The following RNF150 variants were observed in gnomAD, a reference collection of about 807,000 sequenced individuals.
The protein encoded by RNF150 is ring finger protein 150.
Under a neutral mutation model 39.3 loss-of-function variants are expected in RNF150, and 24 were observed. That is an observed-to-expected ratio of 0.61 (90% CI 0.44 to 0.86). The LOEUF (loss-of-function observed/expected upper bound fraction) is 0.86. Among genes scored for constraint, RNF150 ranks in the 40% least tolerant of loss-of-function variants. RNF150 has a pLI of 0.00. For synonymous variants in RNF150, 255 were observed against 227.3 expected (o/e 1.12, Z -1.10); for missense variants, 502 against 587.8 (o/e 0.85, Z 1.51).
At chr4:141,030,970 C>T (rs558560189) in intron 1 of RNF150, among the ~76,000 whole-genome samples, 144 of 151,824 alleles carry the variant, frequency 9.5e-4, no homozygotes, top group African/African-American at 2.7e-3. Flanking sequence ...GCTTTTTGAG[C>T]GCAATTAAAA....
At chr4:141,000,065 GAAGAAGAAGAAGAAGAAGAAGGAGA>G (rs1734594378) in intron 1 of RNF150, among the ~76,000 whole-genome samples, 2 of 100,580 alleles carry the variant, frequency 2.0e-5, no homozygotes, top group African/African-American at 7.6e-5. Context: ...AGAAGAAGAA[GAAGAAGAAGAAGAAGAAGAAGGAGA>G]AGAAGAAGAA....
At chr4:140,962,359 G>C (rs1320743916) in intron 2 of RNF150, among the ~76,000 whole-genome samples, 1 of 151,570 alleles carries the variant, frequency 6.6e-6, no homozygotes, top group African/African-American at 2.4e-5. Context: ...ATATGGCAGT[G>C]CATATGTGCA....
At chr4:141,139,772 G>C (rs918174338) in intron 1 of RNF150, among the ~76,000 whole-genome samples, 2 of 152,152 alleles carry the variant, frequency 1.3e-5, no homozygotes, top group Non-Finnish European at 2.9e-5. Context: ...AGTTAAGAGT[G>C]GAGTAACTTG....
chr4:140,958,406 C>T (rs79862845), intron 2 of RNF150, among the ~76,000 whole-genome samples: 1,953 of 152,184 alleles, frequency 0.013, 54 homozygotes, highest in African/African-American at 0.044. Context: ...AGACTGGCAA[C>T]CCGCCCCTGG....
chr4:141,052,896 C>T (rs1736830081), intron 1 of RNF150, among the ~76,000 whole-genome samples: 1 of 151,984 alleles, frequency 6.6e-6, no homozygotes, highest in African/African-American at 2.4e-5. Flanking sequence ...AAAATATTTC[C>T]ACAATCCTGT....
chr4:140,997,277 T>C (rs1287960156), intron 1 of RNF150, among the ~76,000 whole-genome samples: 2 of 152,144 alleles, frequency 1.3e-5, no homozygotes, highest in Non-Finnish European at 2.9e-5. Context: ...GGCTAGGAAA[T>C]TGTGGTATAC....
chr4:141,181,851 C>A (rs1013012121), intron 1 of RNF150, among the ~76,000 whole-genome samples: 16 of 152,044 alleles, frequency 1.1e-4, no homozygotes, highest in Non-Finnish European at 2.2e-4. Flanking sequence ...ACAGACAGAC[C>A]CAGCATTTTT....
chr4:141,098,836 G>C (rs1738899805), intron 1 of RNF150, among the ~76,000 whole-genome samples: 2 of 152,176 alleles, frequency 1.3e-5, no homozygotes, highest in South Asian at 4.1e-4. Context: ...GAAAGTCAAG[G>C]ATAGAGACAT....
intron 6 of RNF150, among the ~76,000 whole-genome samples, chr4:140,894,470 T>C (rs1171941060): frequency 3.3e-5 from 5 of 152,230 alleles, no homozygotes; most frequent in Non-Finnish European, 7.3e-5. Flanking sequence ...TAAAGGATCA[T>C]GCTGCTGCTT....
intron 1 of RNF150, among the ~76,000 whole-genome samples, chr4:141,149,802 A>G (rs1163204168): frequency 6.6e-6 from 1 of 152,208 alleles, no homozygotes; most frequent in Non-Finnish European, 1.5e-5. Context: ...TTCTTTAAGG[A>G]ATCTCCACAC....
At chr4:141,201,350 T>C (rs1182754570) in intron 1 of RNF150, among the ~76,000 whole-genome samples, 1 of 152,216 alleles carries the variant, frequency 6.6e-6, no homozygotes, top group Non-Finnish European at 1.5e-5. Context: ...TTATAAGTTA[T>C]ATGGTTTACA....
At chr4:141,142,195 A>G (rs1221840339) in intron 1 of RNF150, among the ~76,000 whole-genome samples, 1 of 152,164 alleles carries the variant, frequency 6.6e-6, no homozygotes, top group African/African-American at 2.4e-5. Context: ...CTTTAGAATC[A>G]AACTCCCCAT....
chr4:140,932,572 T>C lies in RNF150; in HGVS notation c.891-6499A>G, dbSNP rs763778265. Among the ~76,000 whole-genome samples the C allele has an allele frequency of 3.6e-4, 55 of 152,308 alleles. No homozygotes were observed. The South Asian group carries it at 3.7e-3, about 10-fold the overall frequency. On this transcript the variant is annotated intron_variant, in intron 4 of 6. Coordinates refer to ENST00000515673, the MANE Select transcript of RNF150 (RefSeq NM_020724.2). ...AAGCTGTCACAGGTAAGGGGGGTAG[T>C]TGGAGGTATTCAAACCTTTATTCTT... is the stretch of plus-strand genomic sequence containing the variant.
intron 1 of RNF150, among the ~76,000 whole-genome samples, chr4:141,173,996 A>C (rs17006949): frequency 0.012 from 1,874 of 152,258 alleles, 40 homozygotes; most frequent in African/African-American, 0.042. Context: ...GTATGTGAGA[A>C]TGTTTGTACA....
chr4:140,981,746 T>C (rs1733866813), intron 1 of RNF150, among the ~76,000 whole-genome samples: 1 of 152,134 alleles, frequency 6.6e-6, no homozygotes, highest in African/African-American at 2.4e-5. Context: ...TTATAGTGCA[T>C]TGTATTTGAT....
intron 2 of RNF150, among the ~76,000 whole-genome samples, chr4:140,965,424 G>A (rs1028401490): frequency 6.6e-6 from 1 of 152,098 alleles, no homozygotes; most frequent in African/African-American, 2.4e-5. Context: ...CACCACCTTG[G>A]AAAGATATCT....
At position 140,899,760 on chromosome 4, in the gene RNF150, G is replaced by T. The variant is rs576362950; in HGVS notation, c.1198+11384C>A. Among the ~76,000 whole-genome samples, 7 of 152,178 alleles carry T rather than the reference G, an allele frequency of 4.6e-5. No individual in the cohort carries two copies. The South Asian group carries it at 1.2e-3, about 27-fold the overall frequency. On this transcript the variant is annotated intron_variant, in intron 6 of 6. Transcript: ENST00000515673. Reference sequence around the variant, plus strand: ...ACAATTGTGTCCTGGAGAGATGTGGGGAGGAGAATCTGGCTAAATCACTTC... The same window carrying T: ...ACAATTGTGTCCTGGAGAGATGTGGTGAGGAGAATCTGGCTAAATCACTTC...
At chr4:141,177,160 C>T (rs917348659) in intron 1 of RNF150, among the ~76,000 whole-genome samples, 3 of 151,850 alleles carry the variant, frequency 2.0e-5, no homozygotes, top group Admixed American at 6.6e-5. Context: ...TGAGCCCAGG[C>T]GTTCCAGGCT....
At chr4:141,198,837 G>C (rs1198206679) in intron 1 of RNF150, among the ~76,000 whole-genome samples, 2 of 152,070 alleles carry the variant, frequency 1.3e-5, no homozygotes, top group Non-Finnish European at 2.9e-5. Context: ...AACAAAAGTA[G>C]GCTTTTACAA....
Sources: allele counts gnomAD v4.1 joint callset (sites outside exome capture counted in the v4.1 genomes callset), GRCh38; gene constraint gnomAD v4.1.1; transcripts MANE v1.5; gene names NCBI Gene and HGNC (gene_info 2026-07-23, HGNC 2026-07-21).